Variants in TENM4 observed in about 807,000 individuals in gnomAD.
TENM4 encodes teneurin transmembrane protein 4.
In TENM4, 82 loss-of-function variants were observed where a neutral mutation model predicts 243.3. The ratio of observed to expected loss-of-function variants is 0.34; its 90% CI spans 0.28 to 0.40. The LOEUF is 0.40. Among genes scored for constraint, TENM4 ranks in the 10% least tolerant of loss-of-function variants. TENM4 has a pLI of 1.00. For missense variants in TENM4, 3,138 were observed against 3,673.3 expected (o/e 0.85, Z 3.77); for synonymous variants, 1,412 against 1,456.3 (o/e 0.97, Z 0.69).
chr11:79,213,515 A>G (rs1334114737), intron 3 of TENM4, among the ~76,000 whole-genome samples: 3 of 152,252 alleles, frequency 2.0e-5, no homozygotes, highest in African/African-American at 7.2e-5. Context: ...GGACTGCTCC[A>G]TCCTGCTAGA....
At chr11:78,939,689 T>C (rs1856850191) in intron 6 of TENM4, among the ~76,000 whole-genome samples, 2 of 152,234 alleles carry the variant, frequency 1.3e-5, no homozygotes, top group African/African-American at 4.8e-5. Context: ...TTCATGGAAC[T>C]GCAATGTTTA....
intron 6 of TENM4, among the ~76,000 whole-genome samples, chr11:78,951,027 G>A (rs1351977055): frequency 6.6e-6 from 1 of 152,234 alleles, no homozygotes; most frequent in African/African-American, 2.4e-5. Context: ...TGCAGGTTAT[G>A]TTGCTTGTCT....
intron 6 of TENM4, among the ~76,000 whole-genome samples, chr11:79,059,027 G>A (rs1334252247): frequency 6.6e-6 from 1 of 152,150 alleles, no homozygotes; most frequent in Non-Finnish European, 1.5e-5. Context: ...GGAGTTAATT[G>A]GTAATGAGTT....
chr11:79,139,860 T>C (rs72935309), intron 4 of TENM4, among the ~76,000 whole-genome samples: 3 of 133,594 alleles, frequency 2.2e-5, no homozygotes, highest in Non-Finnish European at 3.2e-5. Context: ...ATATGTATTT[T>C]CCATTAGTTC....
chr11:78,704,074 T>A (rs28474821), intron 27 of TENM4, among the ~76,000 whole-genome samples: 5 of 146,590 alleles, frequency 3.4e-5, no homozygotes, highest in African/African-American at 1.0e-4. Flanking sequence ...CATATATATA[T>A]AAATATATAC....
intron 23 of TENM4, among the ~76,000 whole-genome samples, chr11:78,724,536 T>A (rs1855472005): frequency 6.6e-6 from 1 of 152,206 alleles, no homozygotes; most frequent in Non-Finnish European, 1.5e-5. Flanking sequence ...CAATACTAAG[T>A]TCTAAAACAC....
chr11:78,948,634 G>A (rs1387479502), intron 6 of TENM4, among the ~76,000 whole-genome samples: 3 of 152,188 alleles, frequency 2.0e-5, no homozygotes, highest in African/African-American at 7.2e-5. Context: ...GCCTCCCAAA[G>A]TGCTGGGATT....
intron 4 of TENM4, chr11:79,096,778 A>C (rs1318405246): frequency 6.6e-6 from 1 of 152,638 alleles, no homozygotes; most frequent in African/African-American, 2.4e-5. Context: ...TATTCTGGCA[A>C]TGAGAAGACA....
chr11:79,088,023 C>A (rs1860852822), intron 4 of TENM4, among the ~76,000 whole-genome samples: 1 of 152,260 alleles, frequency 6.6e-6, no homozygotes, highest in South Asian at 2.1e-4. Context: ...ACACCTGGGT[C>A]ACTGGAGTCT....
At chr11:79,294,213 G>A (rs1281728733) in intron 2 of TENM4, among the ~76,000 whole-genome samples, 2 of 152,104 alleles carry the variant, frequency 1.3e-5, no homozygotes, top group African/African-American at 4.8e-5. Flanking sequence ...TACAATTACA[G>A]CTACTAATGA....
rs145162577 is a variant in TENM4, at chr11:79,254,776, T to C, written c.-264-38867A>G. The stretch of plus-strand genomic sequence containing the variant: ...GAGAGTCACATACACAAGCAGCTGG[T>C]GTACAGGAAAGGATCTGGAAGGAAA... On this transcript the variant is annotated intron_variant, in intron 2 of 33. Coordinates refer to ENST00000278550, the MANE Select transcript of TENM4 (RefSeq NM_001098816.3). Among the ~76,000 whole-genome samples the C allele has an allele frequency of 8.0e-3, 1,218 of 152,178 alleles. 19 individuals carry two copies. The highest frequency in any genetic ancestry group is 0.027 in the African/African-American group (1,133 of 41,504).
chr11:78,998,877 C>T (rs889993342), intron 6 of TENM4, among the ~76,000 whole-genome samples: 2 of 152,154 alleles, frequency 1.3e-5, no homozygotes, highest in Non-Finnish European at 2.9e-5. Flanking sequence ...CCAGACCATT[C>T]TCATACTTCT....
intron 6 of TENM4, among the ~76,000 whole-genome samples, chr11:79,011,654 CA>C (rs1425133100): frequency 1.3e-5 from 2 of 152,200 alleles, no homozygotes; most frequent in African/African-American, 4.8e-5. Flanking sequence ...GCTGGCTTGG[CA>C]GCCCCTATCC....
chr11:79,083,200 G>T (rs1429058342), intron 4 of TENM4, among the ~76,000 whole-genome samples: 1 of 152,194 alleles, frequency 6.6e-6, no homozygotes, highest in East Asian at 1.9e-4. Flanking sequence ...GGCAGGCAGT[G>T]TGCAGCTGCC....
intron 6 of TENM4, among the ~76,000 whole-genome samples, chr11:78,990,375 T>A (rs2136660474): frequency 6.6e-6 from 1 of 152,174 alleles, no homozygotes; most frequent in Middle Eastern, 3.4e-3. Flanking sequence ...TGTCCTCAAA[T>A]TCCCACTGAG....
At chr11:79,090,921 G>C (rs1329326109) in intron 4 of TENM4, among the ~76,000 whole-genome samples, 2 of 152,198 alleles carry the variant, frequency 1.3e-5, no homozygotes, top group Non-Finnish European at 2.9e-5. Flanking sequence ...CCCCATCCCA[G>C]ATCCTGCTGA....
In TENM4 at chr11:79,263,621, T is replaced by A. The variant is rs112504461; in HGVS notation, c.-265+33867A>T. Among the ~76,000 whole-genome samples the A allele has an allele frequency of 6.8e-3, 1,043 of 152,312 alleles. 12 individuals are homozygous for A. The highest frequency in any genetic ancestry group is 0.024 in the African/African-American group (979 of 41,566). ...ACTACAGAAAATGTCTGCTGAGAAC[T>A]CCTTCACACTTGTTGCAGGTGGTAT... On this transcript the variant is annotated intron_variant, in intron 2 of 33. Coordinates refer to ENST00000278550, the MANE Select transcript of TENM4 (RefSeq NM_001098816.3).
chr11:78,974,771 T>C (rs1399799643), intron 6 of TENM4, among the ~76,000 whole-genome samples: 2 of 150,516 alleles, frequency 1.3e-5, no homozygotes, highest in African/African-American at 2.5e-5. Context: ...GGCAGTGACG[T>C]GAGCGCCTGG....
chr11:78,810,012 T>C (rs1354364746), intron 14 of TENM4, among the ~76,000 whole-genome samples: 1 of 152,074 alleles, frequency 6.6e-6, no homozygotes, highest in African/African-American at 2.4e-5. Flanking sequence ...ACTGGCTGCG[T>C]TCAAGCTTTA....
Sources: gnomAD v4.1 joint callset for allele counts (sites outside exome capture counted in the v4.1 genomes callset) on GRCh38, gnomAD v4.1.1 for gene constraint, MANE v1.5 for transcripts, NCBI Gene and HGNC (gene_info 2026-07-23, HGNC 2026-07-21) for gene names.